CRCP: variants seen among roughly 807,000 people sequenced by gnomAD.
CRCP encodes the protein DNA-directed RNA polymerase III subunit RPC9.
A neutral mutation model predicts 18.5 loss-of-function variants in CRCP; 18 were observed. The ratio of observed to expected loss-of-function variants is 0.97; its 90% CI spans 0.67 to 1.44. The LOEUF (loss-of-function observed/expected upper bound fraction) is 1.44. CRCP is among the 40% of genes most tolerant of loss of function. The probability of loss-of-function intolerance (pLI) is 0.00; values close to 1 mark genes in which losing one functional copy is unlikely to be tolerated. For synonymous variants in CRCP, 53 were observed against 62.9 expected (o/e 0.84, Z 0.75); for missense variants, 130 against 176.4 (o/e 0.74, Z 1.49).
intron 1 of CRCP, among the ~76,000 whole-genome samples, chr7:66,125,548 T>C (rs1033574518): frequency 1.3e-5 from 2 of 149,420 alleles, no homozygotes; most frequent in African/African-American, 4.8e-5. Context: ...AAACATCAAT[T>C]GGTTCTCTTG....
intron 4 of CRCP, among the ~76,000 whole-genome samples, chr7:66,143,227 G>T (rs1187303920): frequency 6.6e-6 from 1 of 152,116 alleles, no homozygotes; most frequent in African/African-American, 2.4e-5. Flanking sequence ...CTCACCCAGG[G>T]GGTGTTACAA....
At chr7:66,136,450 G>A (rs1470876409) in intron 4 of CRCP, among the ~76,000 whole-genome samples, 1 of 152,040 alleles carries the variant, frequency 6.6e-6, no homozygotes, top group African/African-American at 2.4e-5. Context: ...GGCTGGTCTC[G>A]AACTCCCAAC....
intron 5 of CRCP, among the ~76,000 whole-genome samples, chr7:66,151,707 G>A (rs1788474364): frequency 6.8e-6 from 1 of 145,986 alleles, no homozygotes; most frequent in Admixed American, 6.8e-5. Flanking sequence ...GTGTGTGTGT[G>A]TGTGTGTGTG....
At chr7:66,135,345 C>T (rs1422423026) in intron 4 of CRCP, among the ~76,000 whole-genome samples, 2 of 152,086 alleles carry the variant, frequency 1.3e-5, no homozygotes, top group African/African-American at 4.8e-5. Context: ...ATGTCACGAG[C>T]TGATCTCAAA....
chr7:66,120,162 C>A (rs1444939314), intron 1 of CRCP, among the ~76,000 whole-genome samples: 2 of 149,318 alleles, frequency 1.3e-5, no homozygotes. Context: ...CCAGCCTGGG[C>A]GATAGAGCGA....
chr7:66,123,865 A>C (rs528421152), intron 1 of CRCP, among the ~76,000 whole-genome samples: 5 of 149,636 alleles, frequency 3.3e-5, no homozygotes, highest in Admixed American at 3.3e-4. Flanking sequence ...ATCCTGGCTA[A>C]CATGGTGAAA....
intron 1 of CRCP, among the ~76,000 whole-genome samples, chr7:66,121,772 C>T (rs953372632): frequency 1.6e-4 from 25 of 152,092 alleles, no homozygotes; most frequent in Admixed American, 9.2e-4. Flanking sequence ...AGACATTATC[C>T]TCTGTACCAT....
chr7:66,131,001 G>A (rs1014392364), intron 3 of CRCP, among the ~76,000 whole-genome samples, 159 bp downstream of exon 3: 2 of 152,168 alleles, frequency 1.3e-5, no homozygotes, highest in African/African-American at 4.8e-5. Context: ...TTGACACAGA[G>A]TCTCGCTCTG....
chr7:66,123,576 C>T (rs184520561), intron 1 of CRCP, among the ~76,000 whole-genome samples: 99 of 151,988 alleles, frequency 6.5e-4, no homozygotes, highest in Admixed American at 2.2e-3. Flanking sequence ...TGGAGAAACC[C>T]CGTCTCTACT....
chr7:66,146,863 A>G (rs1184395753), intron 5 of CRCP, among the ~76,000 whole-genome samples: 1 of 152,216 alleles, frequency 6.6e-6, no homozygotes, highest in Non-Finnish European at 1.5e-5. Context: ...CAGAACAGCA[A>G]GAAACGAATC....
At chr7:66,134,759 C>A (rs1353230837) in intron 4 of CRCP, among the ~76,000 whole-genome samples, 1 of 152,074 alleles carries the variant, frequency 6.6e-6, no homozygotes. Context: ...TTATTTATAT[C>A]TGCTAACTCC....
chr7:66,130,382 G>A (rs181476068), intron 2 of CRCP: 231 of 185,056 alleles, frequency 1.2e-3, no homozygotes, highest in African/African-American at 5.1e-3. Flanking sequence ...GGGATTACAG[G>A]CGTGAGCCAT....
At chr7:66,133,558 A>T (rs1049533433) in intron 3 of CRCP, among the ~76,000 whole-genome samples, 1 of 150,596 alleles carries the variant, frequency 6.6e-6, no homozygotes, top group Admixed American at 6.6e-5. Flanking sequence ...AAAAAAAAAA[A>T]GAAAAAGTTG....
At chr7:66,127,536 C>T (rs1787651657) in intron 1 of CRCP, among the ~76,000 whole-genome samples, 168 bp from the exon 2 acceptor site, 1 of 152,138 alleles carries the variant, frequency 6.6e-6, no homozygotes. Flanking sequence ...TTGCCCACAG[C>T]TAGCTAAACC....
intron 1 of CRCP, among the ~76,000 whole-genome samples, chr7:66,120,126 G>A (rs981756110): frequency 8.6e-5 from 13 of 151,966 alleles, no homozygotes; most frequent in African/African-American, 3.1e-4. Context: ...GGAGCTTGCA[G>A]TGAGCCAAGA....
At chr7:66,121,939 CA>C (rs1407683041) in intron 1 of CRCP, among the ~76,000 whole-genome samples, 2 of 152,172 alleles carry the variant, frequency 1.3e-5, no homozygotes, top group Non-Finnish European at 1.5e-5. Context: ...TTAAGTTGTT[CA>C]TTGACTTCAG....
chr7:66,131,837 G>A (rs893208157), intron 3 of CRCP, among the ~76,000 whole-genome samples: 2 of 150,250 alleles, frequency 1.3e-5, no homozygotes, highest in Non-Finnish European at 3.0e-5. Context: ...GCGCAACCTC[G>A]GCTCACCTCT....
chr7:66,136,765 T>C (rs76119484), intron 4 of CRCP, among the ~76,000 whole-genome samples: 3,538 of 151,984 alleles, frequency 0.023, 73 homozygotes, highest in African/African-American at 0.049. Context: ...TGGGGGAGAA[T>C]TGACATCTTG....
intron 4 of CRCP, 113 bp downstream of exon 4, chr7:66,134,487 T>C (rs954319293): frequency 8.0e-6 from 6 of 748,792 alleles, no homozygotes; most frequent in Admixed American, 2.6e-5. Flanking sequence ...AGAAGGATTA[T>C]AGTATTGGAG....
Sources: allele counts gnomAD v4.1 joint callset (sites outside exome capture counted in the v4.1 genomes callset), GRCh38; gene constraint gnomAD v4.1.1; transcripts MANE v1.5; gene names NCBI Gene and HGNC (gene_info 2026-07-23, HGNC 2026-07-21).